TM2D1: variants seen among roughly 807,000 people sequenced by gnomAD.
The protein encoded by TM2D1 is TM2 domain containing 1.
TM2D1 carries 15 observed loss-of-function variants against 28.4 expected under a neutral mutation model. The observed-to-expected ratio is 0.53, with a 90% CI of 0.35 to 0.81. The LOEUF (loss-of-function observed/expected upper bound fraction) is 0.81. Ranked by LOEUF, TM2D1 falls within the 40% of genes least tolerant of loss-of-function variation. TM2D1 has a pLI of 0.01. For missense variants in TM2D1, 236 were observed against 254.9 expected, an observed-to-expected ratio of 0.93 and a Z score of 0.50; for synonymous variants, 93 against 96.2, an observed-to-expected ratio of 0.97 and a Z score of 0.20.
chr1:61,703,800 A>C (rs1644421891), intron 3 of TM2D1, among the ~76,000 whole-genome samples: 1 of 140,514 alleles, frequency 7.1e-6, no homozygotes, highest in African/African-American at 2.7e-5. Context: ...CTTGTCACCC[A>C]GACTGGAGTG....
intron 2 of TM2D1, among the ~76,000 whole-genome samples, chr1:61,723,376 T>C (rs1282806949): frequency 6.6e-6 from 1 of 152,186 alleles, no homozygotes; most frequent in Non-Finnish European, 1.5e-5. Context: ...AAAGGAAGAC[T>C]TTCCATGTGA....
At chr1:61,720,794 C>A (rs1644557842) in intron 2 of TM2D1, among the ~76,000 whole-genome samples, 1 of 152,038 alleles carries the variant, frequency 6.6e-6, no homozygotes, top group South Asian at 2.1e-4. Context: ...TAACCAAGAA[C>A]CATTTTAAGA....
chr1:61,701,928 C>T (rs998535557), intron 3 of TM2D1, among the ~76,000 whole-genome samples: 5 of 152,070 alleles, frequency 3.3e-5, no homozygotes, highest in South Asian at 2.1e-4. Context: ...CGGTGGCACA[C>T]GCCTGTAATC....
chr1:61,693,591 G>A (rs1040844773), intron 5 of TM2D1, among the ~76,000 whole-genome samples: 5 of 152,284 alleles, frequency 3.3e-5, no homozygotes, highest in African/African-American at 1.2e-4. Context: ...TACGAGTACA[G>A]ACAGGAAAAT....
rs1491136530 is a variant in TM2D1, at chr1:61,691,933, A to AAAAAAATATATATATATATATG, written c.513+2763_513+2764insCATATATATATATATATTTTTT. Among the ~76,000 whole-genome samples, 98 of 83,034 alleles carry AAAAAAATATATATATATATATG rather than the reference A, an allele frequency of 1.2e-3. 1 individual carries two copies. Among genetic ancestry groups the AAAAAAATATATATATATATATG allele is most frequent in the African/African-American group, 3.3e-3 (95 of 29,218 alleles). The allele number at this position is 83,034 out of a possible 152,430, so 54.5% of individuals were successfully genotyped here. A position where few individuals can be genotyped will look rare whatever the true frequency, so the allele number is the denominator to read the frequency against. ...CTCAAAAAAAACTTAAAAAAAAAAA[A>AAAAAAATATATATATATATATG]TATATATATATATATATATATATAT... On this transcript the variant is annotated intron_variant, in intron 5 of 6. Coordinates refer to ENST00000606498, the MANE Select transcript of TM2D1 (RefSeq NM_032027.3).
intron 2 of TM2D1, among the ~76,000 whole-genome samples, chr1:61,713,488 CAAA>C (rs369601221): frequency 8.8e-5 from 8 of 91,378 alleles, no homozygotes; most frequent in Non-Finnish European, 1.6e-4. Flanking sequence ...AACTCAAAAA[CAAA>C]AAAAAAAAAA....
chr1:61,684,774 A>ATTTG (rs753586937), intron 5 of TM2D1, among the ~76,000 whole-genome samples: 3 of 151,738 alleles, frequency 2.0e-5, no homozygotes, highest in Non-Finnish European at 4.4e-5. Flanking sequence ...TCTCTCTTTC[A>ATTTG]TTTGTTTGTT....
intron 2 of TM2D1, among the ~76,000 whole-genome samples, chr1:61,716,295 G>A (rs1644518499): frequency 6.7e-6 from 1 of 149,700 alleles, no homozygotes; most frequent in Non-Finnish European, 1.5e-5. Context: ...CTACAGCCTG[G>A]GCGACAGAGT....
intron 3 of TM2D1, 36 bp downstream of exon 3, chr1:61,709,293 G>T: frequency 2.3e-6 from 3 of 1,286,464 alleles, no homozygotes; most frequent in Non-Finnish European, 3.3e-6. Context: ...ATATAGGCAA[G>T]TAATCTGAAA....
At chr1:61,691,932 A>AAAAAATATATATATATAT in intron 5 of TM2D1, among the ~76,000 whole-genome samples, 63 of 76,356 alleles carry the variant, frequency 8.3e-4, no homozygotes, top group African/African-American at 1.1e-3. Flanking sequence ...AAAAAAAAAA[A>AAAAAATATATATATATAT]ATATATATAT....
chr1:61,705,231 A>G (rs1255426688), intron 3 of TM2D1, among the ~76,000 whole-genome samples: 1 of 152,196 alleles, frequency 6.6e-6, no homozygotes, highest in East Asian at 1.9e-4. Flanking sequence ...CCCAGGCTGG[A>G]GTGCAGTGGC....
intron 5 of TM2D1, among the ~76,000 whole-genome samples, chr1:61,690,152 T>C (rs965184733): frequency 3.9e-5 from 6 of 152,080 alleles, no homozygotes; most frequent in Non-Finnish European, 7.4e-5. Flanking sequence ...TAATTTTCCA[T>C]GGTTTAGAAA....
At chr1:61,712,730 T>C (rs1339467600) in intron 2 of TM2D1, among the ~76,000 whole-genome samples, 1 of 152,042 alleles carries the variant, frequency 6.6e-6, no homozygotes, top group East Asian at 1.9e-4. Context: ...TTTAATACTA[T>C]CATGAAAATT....
chr1:61,695,979 T>G (rs1455329976), intron 4 of TM2D1: 1 of 152,208 alleles, frequency 6.6e-6, no homozygotes, highest in East Asian at 1.9e-4. Flanking sequence ...GCCTGGCACA[T>G]AGTAAATGCT....
chr1:61,683,803 C>T, intron 5 of TM2D1: 1 of 254,934 alleles, frequency 3.9e-6, no homozygotes, highest in Non-Finnish European at 7.4e-6. Context: ...CTTGGCTTCC[C>T]TGCCTCCTTG....
chr1:61,715,260 A>AAG (rs1199340627), intron 2 of TM2D1, among the ~76,000 whole-genome samples: 1 of 152,216 alleles, frequency 6.6e-6, no homozygotes, highest in Non-Finnish European at 1.5e-5. Flanking sequence ...ATTTGGATTT[A>AAG]AGTCCTGTCA....
In TM2D1 at chr1:61,683,395, C is replaced by CATATAT. The variant is rs149969652; in HGVS notation, c.*19+16_*19+21dup. On this transcript the variant is annotated intron_variant, in intron 6 of 6. Coordinates refer to ENST00000606498, the MANE Select transcript of TM2D1 (RefSeq NM_032027.3). ...AATAATATACCACTATAAGATATTA[C>CATATAT]ATATATATATATATCACTTACTGTT... The CATATAT allele has an allele frequency of 5.6e-6, 4 of 708,566 alleles. No homozygotes were observed. The East Asian group carries it at 1.3e-4, about 24-fold the overall frequency. 43.9% of individuals were successfully genotyped at this position (708,566 alleles called of 1,614,324 possible).
chr1:61,721,702 T>C (rs190616284), intron 2 of TM2D1, among the ~76,000 whole-genome samples: 1 of 152,092 alleles, frequency 6.6e-6, no homozygotes, highest in East Asian at 1.9e-4. Flanking sequence ...TCTTAATATT[T>C]TTCTCCTATG....
chr1:61,721,279 C>T (rs113901894), intron 2 of TM2D1, among the ~76,000 whole-genome samples: 2,347 of 151,612 alleles, frequency 0.015, 66 homozygotes, highest in African/African-American at 0.054. Context: ...CAGTGGCTCA[C>T]ACCTATAATC....
Sources: allele counts gnomAD v4.1 joint callset (sites outside exome capture counted in the v4.1 genomes callset), GRCh38; gene constraint gnomAD v4.1.1; transcripts MANE v1.5; gene names NCBI Gene and HGNC (gene_info 2026-07-23, HGNC 2026-07-21).